BRAP: variants seen among roughly 807,000 people sequenced by gnomAD.
The protein encoded by BRAP is BRCA1-associated protein.
A neutral mutation model predicts 73.4 loss-of-function variants in BRAP; 42 were observed. The ratio of observed to expected loss-of-function variants is 0.57; its 90% CI spans 0.45 to 0.74. The LOEUF is 0.74. Ranked by LOEUF, BRAP falls within the 30% of genes least tolerant of loss-of-function variation. BRAP has a pLI of 0.00. For synonymous variants in BRAP, 255 were observed against 267.4 expected (o/e 0.95, Z 0.45); for missense variants, 593 against 751.4 (o/e 0.79, Z 2.46).
intron 10 of BRAP, among the ~76,000 whole-genome samples, chr12:111,653,104 G>A (rs1392619713): frequency 6.6e-6 from 1 of 152,120 alleles, no homozygotes; most frequent in Middle Eastern, 3.2e-3. Context: ...GAGGTGGGAG[G>A]ATCGCTTGAG....
rs1592976708 is a variant in BRAP, at chr12:111,658,781, C to T, written c.1176G>A (p.Glu392=). 1 of 1,612,674 alleles carries T rather than the reference C, an allele frequency of 6.2e-7. No homozygotes were observed. The highest frequency in any genetic ancestry group is 8.5e-7 in the Non-Finnish European group (1 of 1,178,930). ...TTTTCTCTTCCTGGCAAGTATCCCC[C>T]TCACATTCATACTGTACTATTTTTC... ...TDGKIVQYEC[E]GDTCQEEKID... The change falls in exon 9 of 12, where the codon GAG becomes GAA. Residue 392 remains glutamate, a synonymous_variant. Coordinates refer to ENST00000419234, the MANE Select transcript of BRAP (RefSeq NM_006768.5).
intron 10 of BRAP, among the ~76,000 whole-genome samples, chr12:111,654,473 G>A (rs1201338198): frequency 6.6e-5 from 10 of 152,000 alleles, no homozygotes; most frequent in Admixed American, 3.9e-4. Flanking sequence ...CTGCCACCAC[G>A]CCCGACCAGT....
chr12:111,680,708 AAAAAC>A (rs1182397678), intron 3 of BRAP, among the ~76,000 whole-genome samples: 61 of 151,904 alleles, frequency 4.0e-4, no homozygotes, highest in Admixed American at 4.0e-3. Flanking sequence ...AAACAAAACA[AAAAAC>A]AAAACAAAAA....
At position 111,666,051 on chromosome 12, in the gene BRAP, T is replaced by C. The variant is rs569011860; in HGVS notation, c.748-264A>G. ...GTTTTCTAGTTGCTTTTTTGACTCC[T>C]GGCAGGATATCCTCAATATCATTAC... On this transcript the variant is annotated intron_variant, in intron 5 of 11. Transcript: ENST00000419234. 1.7e-4 allele frequency among the ~76,000 whole-genome samples: 26 copies of C among 152,324 alleles called. No individual in the cohort carries two copies. The South Asian group carries it at 2.5e-3, about 15-fold the overall frequency.
At chr12:111,674,821 A>G (rs967519492) in intron 4 of BRAP, among the ~76,000 whole-genome samples, 22 of 152,184 alleles carry the variant, frequency 1.4e-4, no homozygotes, top group Admixed American at 1.4e-3. Context: ...CTTTTGGCTA[A>G]GTAAGCAGCA....
chr12:111,681,583 CAAAAAAAAAA>C (rs368877992), intron 3 of BRAP, 44 bp downstream of exon 3: 12 of 1,120,038 alleles, frequency 1.1e-5, no homozygotes, highest in Non-Finnish European at 1.3e-5. Flanking sequence ...TAAAGCAAAG[CAAAAAAAAAA>C]AAAAAAAAAT....
Position 111,685,749 on chromosome 12 carries a change from T to A in BRAP, c.44A>T (p.His15Leu). ...LVVIRLELAE[H>L]SPVPAGFGFS... ...GCCGAAGCCGGCGGGGACAGGCGAG[T>A]GTTCCGCGAGCTCCAATCGGATAAC... Residue 15 changes from histidine to leucine, a missense_variant, in exon 1 of 12, where the codon CAC becomes CTC. Around this residue, in one of 4 missense-constraint regions of BRAP, gnomAD observed 304 missense variants for 337.7 expected, o/e 0.90. Coordinates refer to ENST00000419234, the MANE Select transcript of BRAP (RefSeq NM_006768.5). 1.2e-6 allele frequency: 2 copies of A among 1,609,126 alleles called. No individual in the cohort carries two copies. The highest frequency in any genetic ancestry group is 1.7e-6 in the Non-Finnish European group (2 of 1,178,748).
intron 9 of BRAP, among the ~76,000 whole-genome samples, chr12:111,656,338 C>T (rs1259342620): frequency 6.6e-6 from 1 of 152,178 alleles, no homozygotes; most frequent in East Asian, 1.9e-4. Context: ...CAGATAAAGA[C>T]AGAGATCCGA....
At position 111,649,185 on chromosome 12, in the gene BRAP, C is replaced by T. The variant is rs867113026; in HGVS notation, c.1415+754G>A. Among the ~76,000 whole-genome samples the T allele has an allele frequency of 5.3e-5, 8 of 152,252 alleles. No homozygotes were observed. In the South Asian group the frequency reaches 8.3e-4, roughly 16 times the overall value. Reference sequence around the variant, plus strand: ...TTTTATTTTTGTTGAGACAGGGTCTCGCTGTTGCCCAGGCTGCAGTGCAGT... The same window carrying T: ...TTTTATTTTTGTTGAGACAGGGTCTTGCTGTTGCCCAGGCTGCAGTGCAGT... On this transcript the variant is annotated intron_variant, in intron 11 of 11. Transcript: ENST00000419234.
intron 5 of BRAP, among the ~76,000 whole-genome samples, chr12:111,668,891 C>T (rs758404380): frequency 5.4e-4 from 82 of 152,076 alleles, no homozygotes; most frequent in Non-Finnish European, 1.0e-3. Context: ...CTCCTGACCT[C>T]GTGATCCACC....
At position 111,679,985 on chromosome 12, in the gene BRAP, A is replaced by G. The variant is rs368393656; in HGVS notation, c.444-645T>C. Among the ~76,000 whole-genome samples the G allele has an allele frequency of 1.1e-4, 16 of 151,598 alleles. No individual in the cohort carries two copies. In the East Asian group the frequency reaches 3.1e-3, roughly 29 times the overall value. Reference sequence around the variant, plus strand: ...AAAAACAGCTCTAAATATACGAGAGAATTCTGTCTTTTTTTTTTTCAGAGT... The same window carrying G: ...AAAAACAGCTCTAAATATACGAGAGGATTCTGTCTTTTTTTTTTTCAGAGT... On this transcript the variant is annotated intron_variant, in intron 3 of 11. Transcript: ENST00000419234.
At position 111,671,268 on chromosome 12, in the gene BRAP, C is replaced by T. The variant is rs527911454; in HGVS notation, c.747+1393G>A. 4.6e-5 allele frequency among the ~76,000 whole-genome samples: 7 copies of T among 151,798 alleles called. No homozygotes were observed. In the South Asian group the frequency reaches 1.0e-3, roughly 23 times the overall value. ...CAAATTGCTATCAAAACAGAATCAACGCCATGCACAGTGGCTCATGCTTAT... is the reference window on the plus strand; with the variant it reads ...CAAATTGCTATCAAAACAGAATCAATGCCATGCACAGTGGCTCATGCTTAT... On this transcript the variant is annotated intron_variant, in intron 5 of 11. Transcript: ENST00000419234.
intron 4 of BRAP, among the ~76,000 whole-genome samples, chr12:111,673,510 G>GAAAA (rs11350832): frequency 5.9e-5 from 7 of 118,156 alleles, no homozygotes; most frequent in Non-Finnish European, 1.1e-4. Flanking sequence ...ATCTCAAAAA[G>GAAAA]AAAAAAAAAA....
chr12:111,666,793 C>A (rs59790566), intron 5 of BRAP, among the ~76,000 whole-genome samples: 2,348 of 152,260 alleles, frequency 0.015, 72 homozygotes, highest in African/African-American at 0.053. Context: ...AGCACATTAA[C>A]CTACAGTCCC....
chr12:111,651,635 C>CTTT lies in BRAP; in HGVS notation c.1312-1596_1312-1594dup, dbSNP rs761275581. On this transcript the variant is annotated intron_variant, in intron 10 of 11. Transcript: ENST00000419234. ...AGAACATGGAAGAAAGATTTCTTTT[C>CTTT]TTTTTTTTTTTTTTTTTTTTGAGAC... 9.6e-3 allele frequency among the ~76,000 whole-genome samples: 1,205 copies of CTTT among 124,960 alleles called. 34 individuals carry two copies. The highest frequency in any genetic ancestry group is 0.034 in the African/African-American group (1,147 of 33,432). 82.0% of individuals were successfully genotyped at this position (124,960 alleles called of 152,430 possible).
At chr12:111,669,230 CTCTT>C (rs1453829429) in intron 5 of BRAP, among the ~76,000 whole-genome samples, 9 of 151,318 alleles carry the variant, frequency 5.9e-5, no homozygotes, top group Admixed American at 3.3e-4. Context: ...TTGCTTCTCT[CTCTT>C]TTTTTTTTTT....
At chr12:111,645,568 T>C (rs927684342) in intron 11 of BRAP, among the ~76,000 whole-genome samples, 8 of 152,148 alleles carry the variant, frequency 5.3e-5, no homozygotes, top group Non-Finnish European at 8.8e-5. Flanking sequence ...TCTGACTTCA[T>C]TGCATTTGCT....
chr12:111,685,443 C>T, intron 1 of BRAP: 1 of 666,196 alleles, frequency 1.5e-6, no homozygotes, highest in Non-Finnish European at 2.1e-6. Flanking sequence ...ACACACCACT[C>T]GACTATCTCG....
intron 11 of BRAP, among the ~76,000 whole-genome samples, chr12:111,649,305 A>T (rs1886232342): frequency 6.6e-6 from 1 of 152,082 alleles, no homozygotes; most frequent in Non-Finnish European, 1.5e-5. Flanking sequence ...GGTATGCGCC[A>T]CCATGCCCAG....
Sources: allele counts gnomAD v4.1 joint callset (sites outside exome capture counted in the v4.1 genomes callset), GRCh38; gene constraint gnomAD v4.1.1; regional missense constraint gnomAD v4.1.1; transcripts MANE v1.5; gene names NCBI Gene and HGNC (gene_info 2026-07-23, HGNC 2026-07-21).